The following GALNT13 variants were observed in gnomAD, a reference collection of about 807,000 sequenced individuals.
GALNT13 encodes polypeptide N-acetylgalactosaminyltransferase 13, also known as UDP-GalNAc:polypeptide N-acetylgalactosaminyltransferase 13.
GALNT13 carries 28 observed loss-of-function variants against 64.2 expected under a neutral mutation model. The ratio of observed to expected loss-of-function variants is 0.44; its 90% CI spans 0.32 to 0.60. The LOEUF (loss-of-function observed/expected upper bound fraction) is 0.60. Among genes scored for constraint, GALNT13 ranks in the 20% least tolerant of loss-of-function variants. GALNT13 has a pLI of 0.05. For missense variants in GALNT13, 577 were observed against 669.8 expected (o/e 0.86, Z 1.53); for synonymous variants, 214 against 224.6 (o/e 0.95, Z 0.42).
At chr2:154,425,562 G>A (rs1331704377) in intron 11 of GALNT13, among the ~76,000 whole-genome samples, 1 of 152,166 alleles carries the variant, frequency 6.6e-6, no homozygotes, top group Non-Finnish European at 1.5e-5. Context: ...TGAAATATAT[G>A]TTCAAAAGCC....
intron 9 of GALNT13, among the ~76,000 whole-genome samples, chr2:154,363,069 T>A (rs995468461): frequency 6.6e-6 from 1 of 152,218 alleles, no homozygotes; most frequent in Non-Finnish European, 1.5e-5. Context: ...CATTCAAAAC[T>A]TGTTTTTTTC....
At chr2:153,837,867 C>T in the GALNT13 span, among the ~76,000 whole-genome samples, 5 of 151,938 alleles carry the variant, frequency 3.3e-5, no homozygotes, top group Non-Finnish European at 5.9e-5. Flanking sequence ...AATGGCTATA[C>T]CAATTTATAT....
the GALNT13 span, among the ~76,000 whole-genome samples, chr2:153,129,089 G>A: frequency 6.6e-6 from 1 of 152,122 alleles, no homozygotes; most frequent in Non-Finnish European, 1.5e-5. Context: ...GGGAATCCAC[G>A]AATACTGGCT....
chr2:153,164,180 A>G, the GALNT13 span, among the ~76,000 whole-genome samples: 1 of 152,080 alleles, frequency 6.6e-6, no homozygotes, highest in Non-Finnish European at 1.5e-5. Flanking sequence ...AAAATTTCTA[A>G]TAGTACTGGA....
intron 2 of GALNT13, among the ~76,000 whole-genome samples, chr2:153,925,930 C>T (rs1447297359): frequency 1.3e-5 from 2 of 152,034 alleles, no homozygotes; most frequent in Non-Finnish European, 2.9e-5. Flanking sequence ...GCTGAAGTTG[C>T]TTATCAGATT....
intron 2 of GALNT13, among the ~76,000 whole-genome samples, chr2:153,941,170 A>G (rs1360193664): frequency 6.6e-6 from 1 of 151,880 alleles, no homozygotes; most frequent in Non-Finnish European, 1.5e-5. Flanking sequence ...TAATTTTTGT[A>G]TTTTTAGTAG....
the GALNT13 span, among the ~76,000 whole-genome samples, chr2:153,842,336 G>C: frequency 1.3e-5 from 2 of 152,248 alleles, no homozygotes; most frequent in South Asian, 4.2e-4. Flanking sequence ...GTAAGAAACT[G>C]AGTAGAAATT....
chr2:153,709,853 G>T, the GALNT13 span, among the ~76,000 whole-genome samples: 7 of 152,076 alleles, frequency 4.6e-5, no homozygotes, highest in East Asian at 1.4e-3. Context: ...GAACCTGGAG[G>T]ACAGTATGCT....
the GALNT13 span, among the ~76,000 whole-genome samples, chr2:153,723,806 G>T: frequency 6.6e-6 from 1 of 150,574 alleles, no homozygotes; most frequent in African/African-American, 2.5e-5. Flanking sequence ...AATAAAAGAG[G>T]ATACAAACAA....
chr2:153,090,936 C>T, the GALNT13 span, among the ~76,000 whole-genome samples: 2 of 151,522 alleles, frequency 1.3e-5, no homozygotes, highest in African/African-American at 2.4e-5. Flanking sequence ...AGGTCCTACG[C>T]AGTTGGTGAG....
At chr2:153,837,073 GA>G in the GALNT13 span, among the ~76,000 whole-genome samples, 1 of 148,390 alleles carries the variant, frequency 6.7e-6, no homozygotes, top group Admixed American at 6.7e-5. Flanking sequence ...GATCCCTGGG[GA>G]ATCGCCACAC....
the GALNT13 span, among the ~76,000 whole-genome samples, chr2:153,796,943 G>A: frequency 0.24 from 35,845 of 152,066 alleles, 4,534 homozygotes; most frequent in Non-Finnish European, 0.28. Flanking sequence ...CTTCTCCCAC[G>A]TGTTTGATGC....
chr2:153,472,212 G>A, the GALNT13 span, among the ~76,000 whole-genome samples: 1 of 152,058 alleles, frequency 6.6e-6, no homozygotes, highest in African/African-American at 2.4e-5. Flanking sequence ...TGTGGGTGTG[G>A]GAAGGAGTGC....
At chr2:154,312,969 G>A (rs544688017) in intron 9 of GALNT13, among the ~76,000 whole-genome samples, 1 of 151,896 alleles carries the variant, frequency 6.6e-6, no homozygotes, top group Non-Finnish European at 1.5e-5. Flanking sequence ...ATCTTGAATT[G>A]TATTCATGAA....
intron 9 of GALNT13, among the ~76,000 whole-genome samples, chr2:154,340,239 C>T (rs536694227): frequency 2.7e-4 from 41 of 152,102 alleles, no homozygotes; most frequent in African/African-American, 9.6e-4. Context: ...CCTCTTTTCT[C>T]ATCCTTCTTC....
At chr2:153,790,962 C>G in the GALNT13 span, among the ~76,000 whole-genome samples, 17 of 152,034 alleles carry the variant, frequency 1.1e-4, no homozygotes, top group African/African-American at 2.7e-4. Context: ...ATGACACAAA[C>G]AAATGGAAAG....
the GALNT13 span, among the ~76,000 whole-genome samples, chr2:153,074,678 G>A: frequency 1.3e-5 from 2 of 152,088 alleles, no homozygotes; most frequent in East Asian, 1.9e-4. Flanking sequence ...CATCATTGAC[G>A]TAAATGTCAT....
chr2:153,627,344 T>C, the GALNT13 span, among the ~76,000 whole-genome samples: 1 of 152,126 alleles, frequency 6.6e-6, no homozygotes, highest in Non-Finnish European at 1.5e-5. Context: ...TCCTTGCATG[T>C]GAAAACATCC....
At chr2:153,785,716 G>T in the GALNT13 span, among the ~76,000 whole-genome samples, 174 of 152,100 alleles carry the variant, frequency 1.1e-3, 2 homozygotes, top group African/African-American at 4.0e-3. Flanking sequence ...TGGGGAGCTT[G>T]TTGGGTCTCC....
Sources: gnomAD v4.1 joint callset for allele counts (sites outside exome capture counted in the v4.1 genomes callset) on GRCh38, gnomAD v4.1.1 for gene constraint, MANE v1.5 for transcripts, NCBI Gene and HGNC (gene_info 2026-07-23, HGNC 2026-07-21) for gene names.